CDK5RAP1: variants seen among roughly 807,000 people sequenced by gnomAD.
The protein encoded by CDK5RAP1 is CDK5RAP1 mitochondrial tRNA methylthiotransferase, also known as mitochondrial tRNA methylthiotransferase CDK5RAP1.
A neutral mutation model predicts 64.5 loss-of-function variants in CDK5RAP1; 62 were observed. The observed-to-expected ratio is 0.96, with a 90% CI of 0.78 to 1.19. The LOEUF (loss-of-function observed/expected upper bound fraction) is 1.19. CDK5RAP1 is among the 50% of genes most tolerant of loss of function. The pLI is 0.00. For synonymous variants in CDK5RAP1, 250 were observed against 261.9 expected, an observed-to-expected ratio of 0.95 and a Z score of 0.44; for missense variants, 657 against 735.0, an observed-to-expected ratio of 0.89 and a Z score of 1.23.
At chr20:33,372,105 T>C (rs116863461) in intron 10 of CDK5RAP1, among the ~76,000 whole-genome samples, 1,953 of 152,260 alleles carry the variant, frequency 0.013, 19 homozygotes, top group Non-Finnish European at 0.022. Flanking sequence ...AACCTGGAAG[T>C]TCCCCAAAGG....
intron 1 of CDK5RAP1, 68 bp from the exon 2 acceptor site, chr20:33,397,152 T>C: frequency 8.7e-7 from 1 of 1,155,500 alleles, no homozygotes; most frequent in East Asian, 2.4e-5. Flanking sequence ...CTGTGAGCAC[T>C]TCAAGTGTAT....
chr20:33,361,329 T>C (rs1982874296), intron 12 of CDK5RAP1, among the ~76,000 whole-genome samples: 2 of 152,156 alleles, frequency 1.3e-5, no homozygotes, highest in Non-Finnish European at 2.9e-5. Flanking sequence ...GTGAAGCAAA[T>C]TCTAGAGAGA....
In CDK5RAP1 at chr20:33,401,429, T is replaced by G. The variant is rs761804205; in HGVS notation, c.-22A>C. 61 of 985,272 alleles carry G rather than the reference T, an allele frequency of 6.2e-5. No homozygotes were observed. Among genetic ancestry groups the G allele is most frequent in the Non-Finnish European group, 7.1e-5 (59 of 829,942 alleles). The allele number at this position is 985,272 out of a possible 1,614,324, so 61.0% of individuals were successfully genotyped here. A position where few individuals can be genotyped will look rare whatever the true frequency, so the allele number is the denominator to read the frequency against. On this transcript the variant is annotated splice_region_variant and 5_prime_UTR_variant, in exon 1 of 14. Coordinates refer to ENST00000346416, the MANE Select transcript of CDK5RAP1 (RefSeq NM_016408.4). ...CACCCCGGCGGCCGCGCTGCTCACC[T>G]CCCGCAGCAGCAACAGTGCCCGGGG...
At chr20:33,395,696 T>C (rs970162076) in intron 2 of CDK5RAP1, among the ~76,000 whole-genome samples, 1 of 152,148 alleles carries the variant, frequency 6.6e-6, no homozygotes, top group Admixed American at 6.5e-5. Flanking sequence ...ATCAAGGAAA[T>C]ATAGTTATAA....
intron 11 of CDK5RAP1, among the ~76,000 whole-genome samples, chr20:33,369,863 C>G (rs572538248): frequency 2.0e-5 from 3 of 152,212 alleles, no homozygotes; most frequent in Non-Finnish European, 4.4e-5. Flanking sequence ...CACAGGGGGC[C>G]TTCAACCTCC....
At chr20:33,370,782 G>A (rs1984875466) in intron 10 of CDK5RAP1, among the ~76,000 whole-genome samples, 153 bp from the exon 11 acceptor site, 1 of 152,156 alleles carries the variant, frequency 6.6e-6, no homozygotes, top group South Asian at 2.1e-4. Context: ...GAGTAAGGCG[G>A]GATAGGCCTG....
intron 4 of CDK5RAP1, 149 bp downstream of exon 4, chr20:33,393,883 T>G: frequency 1.5e-6 from 1 of 662,788 alleles, no homozygotes; most frequent in East Asian, 2.6e-5. Flanking sequence ...CAGCCAGTTG[T>G]ATAAAGACTA....
chr20:33,388,519 T>TCCCTCTCCCCCTCC lies in CDK5RAP1; in HGVS notation c.545-987_545-986insGGAGGGGGAGAGGG, dbSNP rs1568719427. Among the ~76,000 whole-genome samples the TCCCTCTCCCCCTCC allele has an allele frequency of 2.5e-3, 324 of 128,356 alleles. 8 individuals are homozygous for TCCCTCTCCCCCTCC. The highest frequency in any genetic ancestry group is 9.9e-3 in the African/African-American group (311 of 31,378). 84.2% of individuals were successfully genotyped at this position (128,356 alleles called of 152,430 possible). On this transcript the variant is annotated intron_variant, in intron 5 of 13. Coordinates refer to ENST00000346416, the MANE Select transcript of CDK5RAP1 (RefSeq NM_016408.4). ...ATAATTTTTCAGCTCCCTCTCCCTC[T>TCCCTCTCCCCCTCC]CCCTCTCCCTCTCCCCCTCTCCCTC...
At chr20:33,368,295 A>AT (rs1192936736) in intron 11 of CDK5RAP1, among the ~76,000 whole-genome samples, 9 of 150,764 alleles carry the variant, frequency 6.0e-5, no homozygotes, top group Admixed American at 6.6e-5. Flanking sequence ...CATCCCTAGG[A>AT]TTTTTTTTTC....
At chr20:33,394,102 T>G in intron 3 of CDK5RAP1, 36 bp from the exon 4 acceptor site, 1 of 1,439,858 alleles carries the variant, frequency 6.9e-7, no homozygotes, top group Non-Finnish European at 9.8e-7. Flanking sequence ...GAAAATTACA[T>G]AATATCTTGG....
chr20:33,374,836 G>C (rs537566718), intron 8 of CDK5RAP1, among the ~76,000 whole-genome samples: 23 of 151,616 alleles, frequency 1.5e-4, no homozygotes, highest in Non-Finnish European at 2.7e-4. Flanking sequence ...TTACAGGCGT[G>C]AGCCACCACG....
intron 1 of CDK5RAP1, among the ~76,000 whole-genome samples, chr20:33,399,984 C>G (rs1413081073): frequency 6.6e-6 from 1 of 152,210 alleles, no homozygotes; most frequent in African/African-American, 2.4e-5. Flanking sequence ...GCAGAGATTG[C>G]AGTGAGCTGA....
chr20:33,394,751 G>A (rs573077501), intron 3 of CDK5RAP1, among the ~76,000 whole-genome samples: 3 of 152,198 alleles, frequency 2.0e-5, no homozygotes, highest in Admixed American at 6.5e-5. Context: ...CTAAAACCCT[G>A]TACTCGTTAA....
At chr20:33,372,913 C>CT (rs11291803) in intron 9 of CDK5RAP1, 2,792 of 201,094 alleles carry the variant, frequency 0.014, no homozygotes, top group Middle Eastern at 0.033. Context: ...AGGACATAAA[C>CT]TTTTTTTTTT....
intron 4 of CDK5RAP1, 71 bp from the exon 5 acceptor site, chr20:33,392,313 G>A (rs1988413217): frequency 1.1e-6 from 1 of 901,762 alleles, no homozygotes; most frequent in Non-Finnish European, 1.7e-6. Flanking sequence ...GTAGGTCAGT[G>A]GGAAGAAAAT....
chr20:33,360,823 A>G (rs1336629649), intron 12 of CDK5RAP1, among the ~76,000 whole-genome samples: 1 of 152,210 alleles, frequency 6.6e-6, no homozygotes, highest in East Asian at 1.9e-4. Flanking sequence ...ACCAACTTTC[A>G]CTTCACCCAG....
chr20:33,368,459 A>ATTTTTTT (rs35954744), intron 11 of CDK5RAP1, among the ~76,000 whole-genome samples: 10 of 67,604 alleles, frequency 1.5e-4, no homozygotes, highest in East Asian at 5.0e-4. Flanking sequence ...CTCTCGGCTA[A>ATTTTTTT]TTTTTTTTTT....
In CDK5RAP1 at chr20:33,369,178, A is replaced by G. The variant is rs572650309; in HGVS notation, c.1392+1321T>C. Among the ~76,000 whole-genome samples, 24 of 151,886 alleles carry G rather than the reference A, an allele frequency of 1.6e-4. No individual in the cohort carries two copies. The South Asian group carries it at 4.8e-3, about 30-fold the overall frequency. ...TTTCTCTGGCATATTTGTGATGTCC[A>G]TGGAAAAGAAGCAAAATAGAAGGGG... On this transcript the variant is annotated intron_variant, in intron 11 of 13. Coordinates refer to ENST00000346416, the MANE Select transcript of CDK5RAP1 (RefSeq NM_016408.4).
chr20:33,360,640 C>T (rs1286367232), intron 12 of CDK5RAP1, 149 bp from the exon 13 acceptor site: 4 of 683,136 alleles, frequency 5.9e-6, no homozygotes, highest in Non-Finnish European at 9.7e-6. Context: ...TCAGTGTTTG[C>T]TGCTGCTTCA....
Sources: allele counts gnomAD v4.1 joint callset (sites outside exome capture counted in the v4.1 genomes callset), GRCh38; gene constraint gnomAD v4.1.1; transcripts MANE v1.5; gene names NCBI Gene and HGNC (gene_info 2026-07-23, HGNC 2026-07-21).